The following RBFOX1 variants were observed in gnomAD, a reference collection of about 807,000 sequenced individuals.
The protein encoded by RBFOX1 is RNA binding fox-1 homolog 1, also known as RNA binding protein fox-1 homolog 1.
Under a neutral mutation model 57.7 loss-of-function variants are expected in RBFOX1, and 8 were observed. The ratio of observed to expected loss-of-function variants is 0.14; its 90% CI spans 0.08 to 0.25. The LOEUF is 0.25. Ranked by LOEUF, RBFOX1 falls within the 10% of genes least tolerant of loss-of-function variation. The pLI is 1.00. For synonymous variants in RBFOX1, 326 were observed against 222.4 expected, an observed-to-expected ratio of 1.47 and a Z score of -4.15; for missense variants, 611 against 548.5, an observed-to-expected ratio of 1.11 and a Z score of -1.14.
chr16:6,768,377 C>G (rs2077717529), intron 3 of RBFOX1, among the ~76,000 whole-genome samples: 2 of 151,500 alleles, frequency 1.3e-5, no homozygotes. Flanking sequence ...GTGTAGTTTT[C>G]TTATTCTTTG....
At chr16:6,971,715 A>G (rs2085590863) in intron 3 of RBFOX1, among the ~76,000 whole-genome samples, 1 of 152,050 alleles carries the variant, frequency 6.6e-6, no homozygotes, top group African/African-American at 2.4e-5. Flanking sequence ...TTGTTAGCAG[A>G]CCTGTGGGAG....
intron 3 of RBFOX1, among the ~76,000 whole-genome samples, chr16:5,639,711 G>GT (rs2048799626): frequency 6.6e-6 from 1 of 152,188 alleles, no homozygotes; most frequent in Non-Finnish European, 1.5e-5. Context: ...GGTGGCTGAG[G>GT]TGGGAGGCTG....
At chr16:5,489,008 C>T (rs1347212303) in intron 2 of RBFOX1, among the ~76,000 whole-genome samples, 2 of 152,178 alleles carry the variant, frequency 1.3e-5, no homozygotes, top group Non-Finnish European at 2.9e-5. Flanking sequence ...CCCTTTCTGT[C>T]ATTTTCTGCA....
intron 3 of RBFOX1, among the ~76,000 whole-genome samples, chr16:6,944,456 C>T (rs1027901704): frequency 2.8e-4 from 42 of 151,728 alleles, no homozygotes; most frequent in African/African-American, 9.7e-4. Context: ...TGCTTGGCCA[C>T]TTCCCTGCCT....
rs59150596 is a variant in RBFOX1 at position 5,954,011 on chromosome 16, A to T, written c.351+86676A>T. Among the ~76,000 whole-genome samples, 133 of 152,214 alleles carry T rather than the reference A, an allele frequency of 8.7e-4. No homozygotes were observed. In the East Asian group the frequency reaches 0.024, roughly 27 times the overall value. On this transcript the variant is annotated intron_variant, in intron 4 of 19. Transcript: ENST00000641259. ...TCTGGAGACACCTTGGCTTGTCACC[A>T]CTGGGTGGCGAGTGCCATCAGCATC...
rs1225538161 is a variant in RBFOX1, at chr16:7,029,046, C to CTATATATA, written c.-15-22982_-15-22975dup. 4.4e-3 allele frequency among the ~76,000 whole-genome samples: 199 copies of CTATATATA among 45,094 alleles called. 3 individuals are homozygous for CTATATATA. The highest frequency in any genetic ancestry group is 5.3e-3 in the Non-Finnish European group (141 of 26,746). 29.6% of individuals were successfully genotyped at this position (45,094 alleles called of 152,430 possible). ...TAAGCATAAAACAGAAAAAAAAAAG[C>CTATATATA]TATATATATATATATATATATATAT... On this transcript the variant is annotated intron_variant, in intron 3 of 15. Coordinates refer to ENST00000550418, the MANE Select transcript of RBFOX1 (RefSeq NM_018723.4).
chr16:6,136,380 T>C (rs1306923282), intron 1 of RBFOX1, among the ~76,000 whole-genome samples: 3 of 152,098 alleles, frequency 2.0e-5, no homozygotes, highest in Non-Finnish European at 2.9e-5. Flanking sequence ...GTGTGAGCCA[T>C]ATGTCTCAGG....
chr16:7,399,542 C>G (rs1367213291), intron 4 of RBFOX1, among the ~76,000 whole-genome samples: 1 of 152,174 alleles, frequency 6.6e-6, no homozygotes, highest in African/African-American at 2.4e-5. Flanking sequence ...GAGGGAAAAT[C>G]CATACCCTGG....
chr16:7,698,425 G>A (rs902856878), intron 14 of RBFOX1, among the ~76,000 whole-genome samples: 1 of 152,108 alleles, frequency 6.6e-6, no homozygotes, highest in Non-Finnish European at 1.5e-5. Context: ...TGTTGAAACT[G>A]TTCTCTGTGG....
rs144755690 is a variant in RBFOX1 at position 5,761,272 on chromosome 16, G to C, written c.319-106031G>C. Among the ~76,000 whole-genome samples, 1,098 of 152,236 alleles carry C rather than the reference G, an allele frequency of 7.2e-3. 15 individuals carry two copies. The highest frequency in any genetic ancestry group is 0.025 in the African/African-American group (1,033 of 41,544). ...GAGTAATATAGAAGCAGAAAGGTGG[G>C]ATCACCTTCAGAATGTGCCCCCCAA... On this transcript the variant is annotated intron_variant, in intron 3 of 19. Transcript: ENST00000641259.
At chr16:6,877,580 G>C (rs78963492) in intron 3 of RBFOX1, among the ~76,000 whole-genome samples, 17 of 152,114 alleles carry the variant, frequency 1.1e-4, no homozygotes, top group Non-Finnish European at 2.2e-4. Context: ...AGAGTCTTGT[G>C]TGTGTGCAAC....
chr16:6,827,940 C>T (rs1243145981), intron 3 of RBFOX1, among the ~76,000 whole-genome samples: 1 of 152,216 alleles, frequency 6.6e-6, no homozygotes, highest in African/African-American at 2.4e-5. Context: ...TGATTAATGC[C>T]TGTTGTTTCC....
At chr16:5,424,670 G>A (rs1567488871) in intron 1 of RBFOX1, among the ~76,000 whole-genome samples, 1 of 151,970 alleles carries the variant, frequency 6.6e-6, no homozygotes, top group Non-Finnish European at 1.5e-5. Flanking sequence ...GTGTATCCTG[G>A]AACTTAACTA....
At chr16:7,419,283 C>G (rs1015800602) in intron 4 of RBFOX1, among the ~76,000 whole-genome samples, 1 of 152,122 alleles carries the variant, frequency 6.6e-6, no homozygotes, top group Non-Finnish European at 1.5e-5. Context: ...ACCTGTTGTT[C>G]CTCTTCAATC....
chr16:7,510,932 A>G (rs779699770), intron 4 of RBFOX1, among the ~76,000 whole-genome samples: 1 of 152,192 alleles, frequency 6.6e-6, no homozygotes, highest in Non-Finnish European at 1.5e-5. Flanking sequence ...GGTTGAGTTA[A>G]GGCCAGAGGA....
chr16:7,364,513 C>T (rs1466903597), intron 4 of RBFOX1, among the ~76,000 whole-genome samples: 1 of 145,792 alleles, frequency 6.9e-6, no homozygotes, highest in Non-Finnish European at 1.5e-5. Flanking sequence ...CTTGGACTAT[C>T]TTTGGCAAGG....
chr16:5,715,312 TG>T (rs1567438484), intron 3 of RBFOX1, among the ~76,000 whole-genome samples: 1 of 152,212 alleles, frequency 6.6e-6, no homozygotes, highest in Non-Finnish European at 1.5e-5. Flanking sequence ...GGGTGTCCAC[TG>T]GGCTCCTAGA....
chr16:6,948,972 G>A (rs545298678), intron 3 of RBFOX1, among the ~76,000 whole-genome samples: 1 of 151,980 alleles, frequency 6.6e-6, no homozygotes. Flanking sequence ...TGTAGAATGG[G>A]ATAGTTTGAG....
At chr16:7,484,877 C>G (rs528400106) in intron 4 of RBFOX1, among the ~76,000 whole-genome samples, 2 of 152,298 alleles carry the variant, frequency 1.3e-5, no homozygotes, top group African/African-American at 2.4e-5. Context: ...TTTGGGCTAT[C>G]AGATGAATAA....
Sources: gnomAD v4.1 joint callset for allele counts (sites outside exome capture counted in the v4.1 genomes callset) on GRCh38, gnomAD v4.1.1 for gene constraint, MANE v1.5 for transcripts, NCBI Gene and HGNC (gene_info 2026-07-23, HGNC 2026-07-21) for gene names.